Variants in ATP8B3 observed in about 807,000 individuals in gnomAD.
ATP8B3 encodes ATPase phospholipid transporting 8B3, also known as phospholipid-transporting ATPase IK.
In ATP8B3, 141 loss-of-function variants were observed where a neutral mutation model predicts 140.9. The ratio of observed to expected loss-of-function variants is 1.00; its 90% CI spans 0.87 to 1.15. ATP8B3 has a LOEUF of 1.15. ATP8B3 is among the 50% of genes most tolerant of loss of function. The pLI is 0.00. For synonymous variants in ATP8B3, 765 were observed against 714.6 expected (o/e 1.07, Z -1.13); for missense variants, 1,874 against 1,740.6 (o/e 1.08, Z -1.36).
intron 18 of ATP8B3, among the ~76,000 whole-genome samples, chr19:1,793,774 A>G (rs1298178462): frequency 2.0e-5 from 3 of 151,900 alleles, no homozygotes; most frequent in Non-Finnish European, 4.4e-5. Flanking sequence ...ATGGAGTCTC[A>G]CTCTGTTGCC....
rs1428782274 is a variant in ATP8B3 at position 1,802,666 on chromosome 19, A to G, written c.905-21T>C. On this transcript the variant is annotated intron_variant, in intron 10 of 28. Coordinates refer to ENST00000310127, the MANE Select transcript of ATP8B3 (RefSeq NM_138813.4). ...TGTGCCTGTGGGTGGCCAGGTGGTC[A>G]GTGGGTCAGTGGGCTCAGGCCCTCC... The G allele has an allele frequency of 3.8e-6, 6 of 1,598,870 alleles. No individual in the cohort carries two copies. The South Asian group carries it at 6.7e-5, about 18-fold the overall frequency.
intron 14 of ATP8B3, 47 bp downstream of exon 14, chr19:1,799,900 C>A: frequency 6.5e-7 from 1 of 1,530,994 alleles, no homozygotes; most frequent in African/African-American, 1.4e-5. Context: ...CCCTGAGCCC[C>A]TTGAAGATCG....
chr19:1,795,906 GC>G lies in ATP8B3; in HGVS notation c.2023del (p.Ala675GlnfsTer97), dbSNP rs750175510. ...GGCCTCCTCTGTGGCAAATTCCATT[GC>G]CCCCCTCCTGTGCAAGCGTTCGAAG... ...VIFERLHRRG[A>X]MEFATEEALA... On this transcript the variant is annotated frameshift_variant, in exon 18 of 29. Coordinates refer to ENST00000310127, the MANE Select transcript of ATP8B3 (RefSeq NM_138813.4). LOFTEE classifies it high-confidence loss of function. The G allele has an allele frequency of 1.2e-6, 2 of 1,609,172 alleles. No homozygotes were observed. The highest frequency in any genetic ancestry group is 3.4e-5 in the Admixed American group (2 of 59,574).
At chr19:1,793,933 G>T (rs1420190232) in intron 18 of ATP8B3, among the ~76,000 whole-genome samples, 3 of 152,014 alleles carry the variant, frequency 2.0e-5, no homozygotes, top group Non-Finnish European at 4.4e-5. Context: ...GTAGAGACAG[G>T]GTTTCACCAG....
chr19:1,805,463 A>G lies in ATP8B3; in HGVS notation c.822-7T>C, dbSNP rs2068980908. The G allele has an allele frequency of 3.9e-6, 6 of 1,556,444 alleles. No homozygotes were observed. Among genetic ancestry groups the G allele is most frequent in the Non-Finnish European group, 5.2e-6 (6 of 1,147,930 alleles). On this transcript the variant is annotated splice_polypyrimidine_tract_variant and splice_region_variant and intron_variant, in intron 9 of 28. Coordinates refer to ENST00000310127, the MANE Select transcript of ATP8B3 (RefSeq NM_138813.4). This position sits in a 1 kb window ranked among gnomAD's most constrained non-coding sequence, Gnocchi z 5.2. Reference sequence around the variant, plus strand: ...GAACTTCAAGTTGGTCTCCCTGGTGACGAGGAGAGGAGGGAGGTGAAAGTG... The same window carrying G: ...GAACTTCAAGTTGGTCTCCCTGGTGGCGAGGAGAGGAGGGAGGTGAAAGTG...
intron 18 of ATP8B3, among the ~76,000 whole-genome samples, chr19:1,792,579 C>CAA (rs3050768): frequency 0.42 from 39,669 of 94,642 alleles, 8,223 homozygotes; most frequent in Middle Eastern, 0.51. Context: ...GACTCCATCT[C>CAA]AAAAAAAAAA....
rs373830027 is a variant in ATP8B3, at chr19:1,809,423, G to A, written c.402+220C>T. ...TTGAACCCCGGAGGTGGAGGTTGCA[G>A]TGAGCCGAGATGTCGCCACTGCACT... On this transcript the variant is annotated intron_variant, in intron 4 of 28. Transcript: ENST00000310127. Among the ~76,000 whole-genome samples the A allele has an allele frequency of 2.6e-4, 40 of 151,956 alleles. 1 individual carries two copies. In the South Asian group the frequency reaches 8.3e-3, roughly 32 times the overall value.
chr19:1,787,083 C>T lies in ATP8B3; in HGVS notation c.3153+20G>A, dbSNP rs1276160433. 2 of 1,568,230 alleles carry T rather than the reference C, an allele frequency of 1.3e-6. No individual in the cohort carries two copies. The highest frequency in any genetic ancestry group is 1.4e-5 in the African/African-American group (1 of 73,908). On this transcript the variant is annotated intron_variant, in intron 25 of 28. Coordinates refer to ENST00000310127, the MANE Select transcript of ATP8B3 (RefSeq NM_138813.4). ...GCTAAGCAGAGACCTGGAAGGAAGA[C>T]CCGGCCTTGCCCTGCTCACCTGCTC...
Position 1,806,159 on chromosome 19 carries a change from T to TCAAGCCCGCCACCAGG in ATP8B3, c.687_688insCCTGGTGGCGGGCTTG (p.Lys230ProfsTer49). The stretch of plus-strand genomic sequence containing the variant: ...CCCACGCACAGATCCTGCCATTTCT[T>TCAAGCCCGCCACCAGG]CTGCTTGAAGCTGCGGGGAGAGGGG... On this transcript the variant is annotated frameshift_variant, in exon 8 of 29. Coordinates refer to ENST00000310127, the MANE Select transcript of ATP8B3 (RefSeq NM_138813.4). LOFTEE classifies it high-confidence loss of function. This position sits in a 1 kb window ranked among gnomAD's most constrained non-coding sequence, Gnocchi z 5.6. 6.3e-7 allele frequency: 1 copy of TCAAGCCCGCCACCAGG among 1,595,800 alleles called. No homozygotes were observed. Among genetic ancestry groups the TCAAGCCCGCCACCAGG allele is most frequent in the Non-Finnish European group, 8.5e-7 (1 of 1,171,838 alleles).
At position 1,810,644 on chromosome 19, in the gene ATP8B3, G is replaced by A. The variant is rs1397313818; in HGVS notation, c.288C>T (p.Leu96=). 1 of 1,613,006 alleles carries A rather than the reference G, an allele frequency of 6.2e-7. No individual in the cohort carries two copies. Among genetic ancestry groups the A allele is most frequent in the Non-Finnish European group, 8.5e-7 (1 of 1,179,582 alleles). The change falls in exon 3 of 29, where the codon CTC becomes CTT. Residue 96 remains leucine, a synonymous_variant. Transcript: ENST00000310127. The part of the protein sequence containing the change: ...SMGSLGQRED[L]QDEDRNSAFT... ...CACCTGAGTTCCTGTCCTCATCTTG[G>A]AGATCTTCTCTCTGGCCGAGGCTGC... is the stretch of plus-strand genomic sequence containing the variant.
At chr19:1,798,318 G>T (rs1378732980) in intron 14 of ATP8B3, among the ~76,000 whole-genome samples, 1 of 151,912 alleles carries the variant, frequency 6.6e-6, no homozygotes, top group Admixed American at 6.6e-5. Context: ...ACGTGCCCTG[G>T]TTATAAATTA....
chr19:1,782,829 C>T lies in ATP8B3; in HGVS notation c.*199G>A. The T allele has an allele frequency of 1.5e-6, 1 of 682,804 alleles. No individual in the cohort carries two copies. The highest frequency in any genetic ancestry group is 2.4e-6 in the Non-Finnish European group (1 of 415,762). The allele number at this position is 682,804 out of a possible 1,614,324, so 42.3% of individuals were successfully genotyped here. On this transcript the variant is annotated 3_prime_UTR_variant, in exon 29 of 29. Transcript: ENST00000310127. ...CTCTCCTGTGCCCTTGGCAATTGCT[C>T]TTGGAAAGACTCAGATAGCCTGTTG...
intron 20 of ATP8B3, among the ~76,000 whole-genome samples, chr19:1,791,486 C>G (rs2068509135): frequency 6.6e-6 from 1 of 151,826 alleles, no homozygotes; most frequent in Non-Finnish European, 1.5e-5. Context: ...CTCCCAGGTT[C>G]AAGCGATTCT....
rs540099192 is a variant in ATP8B3, at chr19:1,787,495, G to A, written c.3070-309C>T. 2.5e-4 allele frequency among the ~76,000 whole-genome samples: 38 copies of A among 152,200 alleles called. 2 individuals are homozygous for A. Among genetic ancestry groups the A allele is most frequent in the African/African-American group, 8.9e-4 (37 of 41,524 alleles). On this transcript the variant is annotated intron_variant, in intron 24 of 28. Transcript: ENST00000310127. ...TATAATCTCAGCACTTTGGAAGGCC[G>A]AGGCGGGCAGATCACTTGAGGTCAG...
intron 3 of ATP8B3, 38 bp from the exon 4 acceptor site, chr19:1,809,772 C>T (rs758387556): frequency 1.3e-5 from 20 of 1,558,518 alleles, no homozygotes. Flanking sequence ...GAGCTCGAGG[C>T]CCAGGACAAA....
intron 14 of ATP8B3, 135 bp from the exon 15 acceptor site, chr19:1,797,140 C>T (rs2068704562): frequency 5.1e-6 from 7 of 1,371,552 alleles, no homozygotes; most frequent in South Asian, 2.5e-5. Flanking sequence ...GCCCTGGAAC[C>T]GACACCCCGA....
chr19:1,796,333 G>C, intron 16 of ATP8B3, 68 bp from the exon 17 acceptor site: 1 of 1,393,788 alleles, frequency 7.2e-7, no homozygotes, highest in Non-Finnish European at 9.8e-7. Flanking sequence ...AGTGCAGGGA[G>C]GAGATGGGTA....
rs943201580 is a variant in ATP8B3 at position 1,794,850 on chromosome 19, G to C, written c.2055+1025C>G. Among the ~76,000 whole-genome samples the C allele has an allele frequency of 6.6e-6, 1 of 152,190 alleles. No homozygotes were observed. The highest frequency in any genetic ancestry group is 2.4e-5 in the African/African-American group (1 of 41,450). ...GGACAGAAAAAGCCTCAAATCCTGGGCCGAGGAGTTCGGGCTTCCCCCACA... is the reference window on the plus strand; with the variant it reads ...GGACAGAAAAAGCCTCAAATCCTGGCCCGAGGAGTTCGGGCTTCCCCCACA... On this transcript the variant is annotated intron_variant, in intron 18 of 28. Coordinates refer to ENST00000310127, the MANE Select transcript of ATP8B3 (RefSeq NM_138813.4). This position sits in a 1 kb window ranked among gnomAD's most constrained non-coding sequence, Gnocchi z 4.8.
rs202079167 is a variant in ATP8B3 at position 1,784,914 on chromosome 19, T to C, written c.3565A>G (p.Ile1189Val). 20 of 1,612,934 alleles carry C rather than the reference T, an allele frequency of 1.2e-5. No individual in the cohort carries two copies. In the African/African-American group the frequency reaches 2.7e-4, roughly 22 times the overall value. ...ADLSVMSSPS[I>V]LLVVLLSVSI... ...ACACTCAGCAGGACCACCAGCAGGA[T>C]GGAGGGAGAGGACATCACGCTGAGG... The change falls in exon 28 of 29, where the codon ATC (isoleucine) becomes GTC (valine). Residue 1189 changes from isoleucine to valine, a missense_variant. This residue lies in a region of ATP8B3 where 840 missense variants were observed against 760.9 expected (regional missense o/e 1.10). Coordinates refer to ENST00000310127, the MANE Select transcript of ATP8B3 (RefSeq NM_138813.4).
Sources: allele counts gnomAD v4.1 joint callset (sites outside exome capture counted in the v4.1 genomes callset), GRCh38; gene constraint gnomAD v4.1.1; regional missense constraint gnomAD v4.1.1; non-coding constraint Gnocchi (gnomAD v3.1); transcripts MANE v1.5; gene names NCBI Gene and HGNC (gene_info 2026-07-23, HGNC 2026-07-21).